XPNPEP1: variants seen among roughly 807,000 people sequenced by gnomAD.
XPNPEP1 encodes xaa-Pro aminopeptidase 1.
In XPNPEP1, 39 loss-of-function variants were observed where a neutral mutation model predicts 92.4. The observed-to-expected ratio is 0.42, with a 90% confidence interval of 0.33 to 0.55. XPNPEP1 has a LOEUF of 0.55. Among genes scored for constraint, XPNPEP1 ranks in the 20% least tolerant of loss-of-function variants. XPNPEP1 has a pLI of 0.08. For synonymous variants in XPNPEP1, 307 were observed against 299.4 expected (o/e 1.03, Z -0.26); for missense variants, 654 against 856.1 (o/e 0.76, Z 2.95).
intron 7 of XPNPEP1, 103 bp downstream of exon 7, chr10:109,887,946 C>T (rs1322817590): frequency 6.7e-7 from 1 of 1,493,922 alleles, no homozygotes; most frequent in Non-Finnish European, 9.0e-7. Context: ...ATCCTCCTGT[C>T]AGCTCCAACT....
intron 17 of XPNPEP1, 23 bp downstream of exon 17, chr10:109,871,769 A>G: frequency 1.2e-6 from 2 of 1,605,788 alleles, no homozygotes; most frequent in Middle Eastern, 1.7e-4. Context: ...AGAGCCTGCC[A>G]TGTGACAGAA....
At position 109,889,198 on chromosome 10, in the gene XPNPEP1, CTTTA is replaced by C. The variant is rs199749062; in HGVS notation, c.416-607_416-604del. 1.1e-4 allele frequency among the ~76,000 whole-genome samples: 16 copies of C among 152,156 alleles called. No homozygotes were observed. In the East Asian group the frequency reaches 2.5e-3, roughly 24 times the overall value. ...GGCACACAGGCACCTGTCCGGTTGT[CTTTA>C]TTTATTTATTTACTTCTGAAGACAG... is the stretch of plus-strand genomic sequence containing the variant. On this transcript the variant is annotated intron_variant, in intron 5 of 20. Transcript: ENST00000502935.
At chr10:109,906,170 G>A (rs1007901667) in intron 3 of XPNPEP1, among the ~76,000 whole-genome samples, 1 of 152,110 alleles carries the variant, frequency 6.6e-6, no homozygotes, top group Admixed American at 6.6e-5. Flanking sequence ...CATTACTCAT[G>A]TCTGACATCA....
rs769685347 is a variant in XPNPEP1, at chr10:109,868,617, T to C, written c.1869A>G (p.Lys623=). Residue 623 remains lysine, a synonymous_variant, in exon 20 of 21, where the codon AAA becomes AAG. Transcript: ENST00000502935. ...CCCACCAAGACTTCCCCATTACCTC[T>C]TTGTCTGTAAGAGAATCCACATCTA... ...KMIDVDSLTD[K]ECDWLNNYHL... 8.7e-6 allele frequency: 14 copies of C among 1,613,364 alleles called. No homozygotes were observed. The highest frequency in any genetic ancestry group is 1.7e-5 in the Admixed American group (1 of 59,986).
intron 2 of XPNPEP1, among the ~76,000 whole-genome samples, chr10:109,910,980 A>G (rs1849836792): frequency 6.6e-6 from 1 of 152,210 alleles, no homozygotes; most frequent in Non-Finnish European, 1.5e-5. Context: ...TTTCTTTAAC[A>G]TACTCATTTG....
intron 8 of XPNPEP1, among the ~76,000 whole-genome samples, chr10:109,885,885 G>C (rs925120808): frequency 1.3e-5 from 2 of 152,200 alleles, no homozygotes; most frequent in African/African-American, 2.4e-5. Context: ...GGAAACCACA[G>C]GACAAGTGTA....
chr10:109,923,091 G>C lies in XPNPEP1; in HGVS notation c.32+311C>G, dbSNP rs549561623. ...TCCTCCAAGAACGGGGCCTTCCCGC[G>C]GGCCAGGAACTGTGACGGCCGCCGC... On this transcript the variant is annotated intron_variant, in intron 1 of 20. Coordinates refer to ENST00000502935, the MANE Select transcript of XPNPEP1 (RefSeq NM_020383.4). 1.1e-5 allele frequency: 10 copies of C among 913,340 alleles called. No individual in the cohort carries two copies. The African/African-American group carries it at 1.6e-4, about 15-fold the overall frequency. 56.6% of individuals were successfully genotyped at this position (913,340 alleles called of 1,614,324 possible).
chr10:109,903,845 C>CT (rs111845864), intron 3 of XPNPEP1, among the ~76,000 whole-genome samples: 336 of 135,590 alleles, frequency 2.5e-3, no homozygotes, highest in East Asian at 4.2e-3. Context: ...GTTGGTCAAT[C>CT]TTTTTTTTTT....
intron 18 of XPNPEP1, 142 bp from the exon 19 acceptor site, chr10:109,870,171 T>A: frequency 1.1e-6 from 1 of 898,222 alleles, no homozygotes; most frequent in Non-Finnish European, 1.7e-6. Context: ...TGTAAGAGCC[T>A]AGAGATGCCA....
intron 10 of XPNPEP1, among the ~76,000 whole-genome samples, chr10:109,882,179 T>C (rs990934257): frequency 3.3e-5 from 5 of 152,284 alleles, no homozygotes; most frequent in Admixed American, 2.6e-4. Flanking sequence ...AAAACAGATA[T>C]ATTTAAGCAA....
intron 5 of XPNPEP1, among the ~76,000 whole-genome samples, chr10:109,889,861 C>T (rs1848603682): frequency 6.6e-6 from 1 of 152,164 alleles, no homozygotes; most frequent in Non-Finnish European, 1.5e-5. Context: ...CTCATGAATT[C>T]CAATTCTAAA....
chr10:109,911,503 A>G (rs1849870333), intron 2 of XPNPEP1, among the ~76,000 whole-genome samples: 1 of 152,204 alleles, frequency 6.6e-6, no homozygotes, highest in Non-Finnish European at 1.5e-5. Context: ...TTATATGTCA[A>G]CACCTCCACT....
intron 3 of XPNPEP1, among the ~76,000 whole-genome samples, chr10:109,897,705 G>A (rs1177866196): frequency 6.6e-6 from 1 of 150,834 alleles, no homozygotes; most frequent in African/African-American, 2.4e-5. Context: ...CTGGGCTGGA[G>A]TGCAGTGGCG....
intron 10 of XPNPEP1, among the ~76,000 whole-genome samples, chr10:109,881,640 G>A (rs747788800): frequency 1.3e-5 from 2 of 152,182 alleles, no homozygotes; most frequent in Non-Finnish European, 2.9e-5. Flanking sequence ...GCCAGGCCTG[G>A]ATTCTTCCCA....
Position 109,877,227 on chromosome 10 carries a change from G to A in XPNPEP1, c.1319+563C>T, listed in dbSNP as rs566051261. ...ACCTGTAATTCCAGCACTTTAGGAG[G>A]CTGAGGCAGGAGGATTGCTTGAGTC... On this transcript the variant is annotated intron_variant, in intron 14 of 20. Transcript: ENST00000502935. 1.6e-4 allele frequency: 24 copies of A among 153,940 alleles called. No individual in the cohort carries two copies. The South Asian group carries it at 4.9e-3, about 31-fold the overall frequency. 9.5% of individuals were successfully genotyped at this position (153,940 alleles called of 1,614,324 possible).
chr10:109,868,542 T>C, intron 20 of XPNPEP1, 72 bp downstream of exon 20: 4 of 1,253,422 alleles, frequency 3.2e-6, no homozygotes, highest in Non-Finnish European at 4.5e-6. Context: ...ATTTAGAGGA[T>C]GGATTAGAAC....
rs1367350485 is a variant in XPNPEP1 at position 109,867,353 on chromosome 10, A to C, written c.1872+1261T>G. On this transcript the variant is annotated intron_variant, in intron 20 of 20. Transcript: ENST00000502935. This position sits in a 1 kb window ranked among gnomAD's most constrained non-coding sequence, Gnocchi z 4.5. ...CACCAGACATTGTGCTGATAGGCTG[A>C]GTTTCCTTTTCCATATCCATCTACA... Among the ~76,000 whole-genome samples, 2 of 152,232 alleles carry C rather than the reference A, an allele frequency of 1.3e-5. No individual in the cohort carries two copies. Among genetic ancestry groups the C allele is most frequent in the Non-Finnish European group, 2.9e-5 (2 of 68,036 alleles).
intron 2 of XPNPEP1, among the ~76,000 whole-genome samples, chr10:109,910,323 T>A (rs188158885): frequency 1.3e-5 from 2 of 152,298 alleles, no homozygotes; most frequent in Non-Finnish European, 2.9e-5. Flanking sequence ...GGCTAGTGGA[T>A]CACCTGAGGT....
intron 18 of XPNPEP1, 136 bp from the exon 19 acceptor site, chr10:109,870,165 A>G: frequency 1.1e-6 from 1 of 936,682 alleles, no homozygotes; most frequent in Non-Finnish European, 1.6e-6. Flanking sequence ...ATCTGGTGTA[A>G]GAGCCTAGAG....
Sources: allele counts gnomAD v4.1 joint callset (sites outside exome capture counted in the v4.1 genomes callset), GRCh38; gene constraint gnomAD v4.1.1; non-coding constraint Gnocchi (gnomAD v3.1); transcripts MANE v1.5; gene names NCBI Gene and HGNC (gene_info 2026-07-23, HGNC 2026-07-21).